The following FHIT variants were observed in gnomAD, a reference collection of about 807,000 sequenced individuals.
FHIT encodes fragile histidine triad diadenosine triphosphatase.
FHIT carries 19 observed loss-of-function variants against 17.9 expected under a neutral mutation model. The ratio of observed to expected loss-of-function variants is 1.06; its 90% CI spans 0.74 to 1.56. FHIT has a LOEUF of 1.56. FHIT is among the 40% of genes most tolerant of loss of function. FHIT has a pLI of 0.00. For synonymous variants in FHIT, 81 were observed against 69.7 expected, an observed-to-expected ratio of 1.16 and a Z score of -0.81; for missense variants, 248 against 189.2, an observed-to-expected ratio of 1.31 and a Z score of -1.82.
At chr3:60,656,946 G>A (rs976732887) in intron 4 of FHIT, among the ~76,000 whole-genome samples, 2 of 147,996 alleles carry the variant, frequency 1.4e-5, no homozygotes, top group South Asian at 2.2e-4. Context: ...GTGCTCAGCA[G>A]CATTTTTCTG....
At chr3:59,857,735 G>T (rs1384952094) in intron 8 of FHIT, among the ~76,000 whole-genome samples, 1 of 92,960 alleles carries the variant, frequency 1.1e-5, no homozygotes, top group East Asian at 3.3e-4. Flanking sequence ...ATCCTAAGGG[G>T]CTTTATGCTT....
chr3:59,951,632 T>C (rs1288096531), intron 7 of FHIT, among the ~76,000 whole-genome samples: 2 of 152,094 alleles, frequency 1.3e-5, no homozygotes, highest in Non-Finnish European at 2.9e-5. Context: ...CCCCACCATC[T>C]TGGTGAGCTG....
chr3:60,275,043 G>T (rs914252051), intron 5 of FHIT, among the ~76,000 whole-genome samples: 23 of 151,974 alleles, frequency 1.5e-4, no homozygotes, highest in African/African-American at 4.3e-4. Context: ...ATTTAATAAA[G>T]ATTTTTGCAT....
chr3:61,072,531 T>A (rs2106744362), intron 2 of FHIT, among the ~76,000 whole-genome samples: 1 of 152,248 alleles, frequency 6.6e-6, no homozygotes, highest in South Asian at 2.1e-4. Flanking sequence ...ACACTGAGGA[T>A]TTCTGGATGC....
chr3:61,118,128 T>G (rs1576046355), intron 2 of FHIT, among the ~76,000 whole-genome samples: 1 of 152,300 alleles, frequency 6.6e-6, no homozygotes, highest in East Asian at 1.9e-4. Context: ...GTAGTATAAT[T>G]TGGTTTGAAA....
chr3:60,482,245 C>T (rs1208639145), intron 5 of FHIT, among the ~76,000 whole-genome samples: 2 of 152,136 alleles, frequency 1.3e-5, no homozygotes, highest in Admixed American at 6.6e-5. Flanking sequence ...TAACACCATA[C>T]TGTTAATATT....
intron 4 of FHIT, among the ~76,000 whole-genome samples, chr3:60,581,811 G>A (rs2037756893): frequency 1.3e-5 from 2 of 152,128 alleles, no homozygotes; most frequent in African/African-American, 2.4e-5. Context: ...TTTACAGTGG[G>A]AGAAGTATCA....
intron 8 of FHIT, among the ~76,000 whole-genome samples, chr3:59,804,869 G>A (rs1001353012): frequency 2.0e-5 from 3 of 152,178 alleles, no homozygotes; most frequent in Admixed American, 6.5e-5. Flanking sequence ...GCGAACAGCC[G>A]AGGACTGTCA....
intron 8 of FHIT, among the ~76,000 whole-genome samples, chr3:59,913,058 T>C (rs1704959024): frequency 6.6e-6 from 1 of 152,178 alleles, no homozygotes; most frequent in Non-Finnish European, 1.5e-5. Context: ...ATAAAGTACC[T>C]AGATGGGGAC....
chr3:60,367,573 T>A (rs985270395), intron 5 of FHIT, among the ~76,000 whole-genome samples: 8 of 152,246 alleles, frequency 5.3e-5, no homozygotes, highest in African/African-American at 1.7e-4. Context: ...AAACACTTGA[T>A]GCCTTTATGA....
intron 8 of FHIT, among the ~76,000 whole-genome samples, chr3:59,872,930 G>A (rs369380513): frequency 6.6e-6 from 1 of 152,220 alleles, no homozygotes; most frequent in East Asian, 1.9e-4. Context: ...CATGAAAAGA[G>A]ATCTTGTTTT....
chr3:60,402,423 A>G (rs1299305652), intron 5 of FHIT, among the ~76,000 whole-genome samples: 1 of 152,172 alleles, frequency 6.6e-6, no homozygotes, highest in Non-Finnish European at 1.5e-5. Context: ...TATTATTATC[A>G]ACTCCAGGTA....
intron 5 of FHIT, among the ~76,000 whole-genome samples, chr3:60,349,237 C>T (rs1362265608): frequency 6.6e-6 from 1 of 152,098 alleles, no homozygotes; most frequent in African/African-American, 2.4e-5. Flanking sequence ...GTGCTGGAAG[C>T]TTACTCAACA....
intron 5 of FHIT, among the ~76,000 whole-genome samples, chr3:60,474,126 A>G (rs531938247): frequency 2.6e-5 from 4 of 152,196 alleles, no homozygotes; most frequent in Non-Finnish European, 5.9e-5. Context: ...CTGCTTACCC[A>G]GCAATCAAGG....
At chr3:61,044,521 A>T (rs546319286) in intron 2 of FHIT, among the ~76,000 whole-genome samples, 1 of 152,162 alleles carries the variant, frequency 6.6e-6, no homozygotes, top group African/African-American at 2.4e-5. Context: ...TGTACCTGAA[A>T]GTGATGAGGA....
intron 3 of FHIT, among the ~76,000 whole-genome samples, chr3:61,032,367 T>A (rs959036284): frequency 1.3e-5 from 2 of 152,130 alleles, no homozygotes; most frequent in South Asian, 2.1e-4. Context: ...ATAAGGAACA[T>A]AAGGTGTACT....
intron 8 of FHIT, among the ~76,000 whole-genome samples, chr3:59,819,830 G>A (rs1335299859): frequency 6.6e-6 from 1 of 152,188 alleles, no homozygotes; most frequent in African/African-American, 2.4e-5. Flanking sequence ...AGCCTTTGGG[G>A]AAGTGATTAA....
intron 4 of FHIT, among the ~76,000 whole-genome samples, chr3:60,607,198 T>G (rs2040377): frequency 0.085 from 12,958 of 152,064 alleles, 907 homozygotes; most frequent in African/African-American, 0.19. Flanking sequence ...AAAGCCCTTC[T>G]CCCAGCTGAA....
chr3:60,377,528 G>A (rs570855911), intron 5 of FHIT, among the ~76,000 whole-genome samples: 62 of 126,696 alleles, frequency 4.9e-4, no homozygotes, highest in Non-Finnish European at 1.3e-4. Flanking sequence ...AGGCCGGACT[G>A]CGGACTGCAG....
Sources: gnomAD v4.1 joint callset for allele counts (sites outside exome capture counted in the v4.1 genomes callset) on GRCh38, gnomAD v4.1.1 for gene constraint, MANE v1.5 for transcripts, NCBI Gene and HGNC (gene_info 2026-07-23, HGNC 2026-07-21) for gene names.